Variants in PCDHGA4 observed in about 807,000 individuals in gnomAD.
PCDHGA4 encodes protocadherin gamma subfamily A, 4.
In PCDHGA4, 38 loss-of-function variants were observed where a neutral mutation model predicts 54.6. That is an observed-to-expected ratio of 0.70 (90% CI 0.54 to 0.91). PCDHGA4 has a LOEUF of 0.91. PCDHGA4 is among the 40% of genes least tolerant of loss of function. The pLI is 0.00. For synonymous variants in PCDHGA4, 511 were observed against 512.9 expected (o/e 1.00, Z 0.05); for missense variants, 1,298 against 1,220.9 (o/e 1.06, Z -0.94).
chr5:141,392,810 A>G (rs772526220), intron 1 of PCDHGA4: 41 of 1,580,272 alleles, frequency 2.6e-5, no homozygotes, highest in Middle Eastern at 1.7e-4. Context: ...GCAGCAAAAC[A>G]ACAATGGCCG....
intron 1 of PCDHGA4, among the ~76,000 whole-genome samples, chr5:141,439,391 G>A (rs880080): frequency 0.036 from 5,494 of 152,210 alleles, 123 homozygotes; most frequent in South Asian, 0.078. Context: ...TCATCACTTC[G>A]ACTTCATGTG....
chr5:141,378,459 G>T (rs1022046466), intron 1 of PCDHGA4: 5 of 152,250 alleles, frequency 3.3e-5, no homozygotes, highest in Admixed American at 6.5e-5. Context: ...TGAGGCAGAG[G>T]TTGCAGTGAG....
chr5:141,492,998 C>A (rs2154589328), intron 1 of PCDHGA4, among the ~76,000 whole-genome samples: 1 of 152,334 alleles, frequency 6.6e-6, no homozygotes, highest in Admixed American at 6.5e-5. Flanking sequence ...AGATGGAAAG[C>A]TATAGGCTCT....
chr5:141,415,880 A>G, intron 1 of PCDHGA4: 1 of 1,003,078 alleles, frequency 1.0e-6, no homozygotes. Flanking sequence ...TGAGTACAAT[A>G]TTGACAATTC....
chr5:141,417,902 C>G (rs2096184021), intron 1 of PCDHGA4: 1 of 1,588,280 alleles, frequency 6.3e-7, no homozygotes, highest in Non-Finnish European at 8.6e-7. Context: ...CGGCCCGCGG[C>G]AGGTACTATT....
In PCDHGA4 at chr5:141,432,751, G is replaced by A; in HGVS notation, c.2515-62056G>A. The A allele has an allele frequency of 6.2e-7, 1 of 1,614,130 alleles. No homozygotes were observed. Among genetic ancestry groups the A allele is most frequent in the Non-Finnish European group, 8.5e-7 (1 of 1,179,982 alleles). Reference sequence around the variant, plus strand: ...CCACTGTCACGCTCACCGTGGCCGTGGCCGACAGCATCCCCCAAGTCCTGG... The same window carrying A: ...CCACTGTCACGCTCACCGTGGCCGTAGCCGACAGCATCCCCCAAGTCCTGG... On this transcript the variant is annotated intron_variant, in intron 1 of 3. Transcript: ENST00000571252. This position sits in a 1 kb window ranked among gnomAD's most constrained non-coding sequence, Gnocchi z 6.0.
intron 1 of PCDHGA4, among the ~76,000 whole-genome samples, chr5:141,381,794 T>C (rs901900634): frequency 1.3e-4 from 19 of 150,606 alleles, no homozygotes; most frequent in Admixed American, 9.3e-4. Context: ...GGCAAGGCAA[T>C]TCCCTCTTTC....
rs1218261413 is a variant in PCDHGA4 at position 141,370,605 on chromosome 5, G to A, written c.2514+12984G>A. 2.5e-6 allele frequency: 4 copies of A among 1,613,858 alleles called. No individual in the cohort carries two copies. The African/African-American group carries it at 4.0e-5, about 16-fold the overall frequency. On this transcript the variant is annotated intron_variant, in intron 1 of 3. Coordinates refer to ENST00000571252, the MANE Select transcript of PCDHGA4 (RefSeq NM_018917.4). ...TACTAGGAACCTGCGGGTTATTGCA[G>A]AGAAGAAATTCTTTACCGTGAGCCC...
chr5:141,511,267 C>A lies in PCDHGA4; in HGVS notation c.*94C>A, dbSNP rs1223074819. The A allele has an allele frequency of 6.5e-7, 1 of 1,549,404 alleles. No individual in the cohort carries two copies. Among genetic ancestry groups the A allele is most frequent in the Non-Finnish European group, 8.7e-7 (1 of 1,146,836 alleles). Reference sequence around the variant, plus strand: ...CCAGGCCTCAGAGTTTCAGGGCTAACCCCCAGAATACTGGTAGGGGCCAAG... The same window carrying A: ...CCAGGCCTCAGAGTTTCAGGGCTAAACCCCAGAATACTGGTAGGGGCCAAG... On this transcript the variant is annotated 3_prime_UTR_variant, in exon 4 of 4. Coordinates refer to ENST00000571252, the MANE Select transcript of PCDHGA4 (RefSeq NM_018917.4).
chr5:141,424,140 C>A, intron 1 of PCDHGA4: 1 of 356,082 alleles, frequency 2.8e-6, no homozygotes, highest in Non-Finnish European at 4.1e-6. Flanking sequence ...TAATAGCATG[C>A]TCCCTCTAGC....
At chr5:141,418,851 G>A (rs778281594) in intron 1 of PCDHGA4, 9 of 1,613,906 alleles carry the variant, frequency 5.6e-6, no homozygotes, top group South Asian at 2.2e-5. Context: ...TCAACACGGT[G>A]TAAAGTAATT....
chr5:141,376,780 G>A (rs1466188950), intron 1 of PCDHGA4: 2 of 383,610 alleles, frequency 5.2e-6, no homozygotes, highest in African/African-American at 2.2e-5. Flanking sequence ...TCCGCTTCCC[G>A]GGTTCACGCC....
Position 141,511,089 on chromosome 5 carries a change from C to T in PCDHGA4, c.2805C>T (p.Thr935=). The change falls in exon 4 of 4, where the codon ACC becomes ACT. Residue 935 remains threonine (T), a synonymous_variant. Transcript: ENST00000571252. ...TCCCAGGCAGCAATGCCACACTGAC[C>T]AACGCAGCTGGCAAGCGGGATGGCA... is the stretch of plus-strand genomic sequence containing the variant. ...VYIPGSNATL[T]NAAGKRDGKA... 1 of 1,614,212 alleles carries T rather than the reference C, an allele frequency of 6.2e-7. No individual in the cohort carries two copies. Among genetic ancestry groups the T allele is most frequent in the Non-Finnish European group, 8.5e-7 (1 of 1,180,026 alleles).
intron 1 of PCDHGA4, among the ~76,000 whole-genome samples, chr5:141,481,153 A>G (rs1376488411): frequency 2.0e-5 from 3 of 152,224 alleles, no homozygotes; most frequent in Non-Finnish European, 4.4e-5. Context: ...TTATTCTGGT[A>G]TTTGCAGAAC....
chr5:141,407,982 G>A (rs976187867), intron 1 of PCDHGA4: 3 of 782,892 alleles, frequency 3.8e-6, no homozygotes, highest in Non-Finnish European at 5.7e-6. Context: ...CCGGGGATCC[G>A]TCAGCCTCTG....
chr5:141,491,956 A>G lies in PCDHGA4; in HGVS notation c.2515-2851A>G, dbSNP rs2099735623. 1.9e-6 allele frequency: 2 copies of G among 1,035,704 alleles called. No homozygotes were observed. Among genetic ancestry groups the G allele is most frequent in the Non-Finnish European group, 2.7e-6 (2 of 749,368 alleles). The allele number at this position is 1,035,704 out of a possible 1,614,324, so 64.2% of individuals were successfully genotyped here. A position where few individuals can be genotyped will look rare whatever the true frequency, so the allele number is the denominator to read the frequency against. On this transcript the variant is annotated intron_variant, in intron 1 of 3. Transcript: ENST00000571252. This position sits in a 1 kb window ranked among gnomAD's most constrained non-coding sequence, Gnocchi z 6.9. Reference sequence around the variant, plus strand: ...GGACCGACCCCCACCCCTACACTCAAAAAAGGCCGGGGCCTCCTTCGAGCT... The same window carrying G: ...GGACCGACCCCCACCCCTACACTCAGAAAAGGCCGGGGCCTCCTTCGAGCT...
At chr5:141,370,145 T>C in intron 1 of PCDHGA4, 1 of 438,916 alleles carries the variant, frequency 2.3e-6, no homozygotes. Context: ...TTAGTCACCA[T>C]TACTGCAGTT....
chr5:141,420,840 T>A (rs2096528017), intron 1 of PCDHGA4, among the ~76,000 whole-genome samples: 1 of 152,250 alleles, frequency 6.6e-6, no homozygotes, highest in African/African-American at 2.4e-5. Flanking sequence ...TCGCAGGTGT[T>A]CTTGGTAAAG....
chr5:141,366,382 T>C (rs1447635844), intron 1 of PCDHGA4: 2 of 1,614,012 alleles, frequency 1.2e-6, no homozygotes, highest in East Asian at 2.2e-5. Flanking sequence ...CCATTGACCC[T>C]GAGGATCTGG....
Sources: gnomAD v4.1 joint callset for allele counts (sites outside exome capture counted in the v4.1 genomes callset) on GRCh38, gnomAD v4.1.1 for gene constraint, Gnocchi (gnomAD v3.1) non-coding constraint, MANE v1.5 for transcripts, NCBI Gene and HGNC (gene_info 2026-07-23, HGNC 2026-07-21) for gene names.